Variants in AQR observed in about 807,000 individuals in gnomAD.
AQR encodes aquarius intron-binding spliceosomal factor, also known as RNA helicase aquarius.
In AQR, 61 loss-of-function variants were observed where a neutral mutation model predicts 180.5. The ratio of observed to expected loss-of-function variants is 0.34; its 90% CI spans 0.28 to 0.42. AQR has a LOEUF of 0.42. AQR is among the 10% of genes least tolerant of loss of function. AQR has a pLI of 1.00. For synonymous variants in AQR, 551 were observed against 588.8 expected, an observed-to-expected ratio of 0.94 and a Z score of 0.93; for missense variants, 1,281 against 1,798.3, an observed-to-expected ratio of 0.71 and a Z score of 5.20.
At chr15:34,946,430 T>TAG (rs1555426382) in intron 5 of AQR, among the ~76,000 whole-genome samples, 1 of 98,236 alleles carries the variant, frequency 1.0e-5, no homozygotes, top group Admixed American at 9.4e-5. Context: ...GGGAGGGAGG[T>TAG]GGGGGGGGTC....
intron 33 of AQR, among the ~76,000 whole-genome samples, chr15:34,862,034 C>T (rs1189372175): frequency 6.6e-6 from 1 of 151,856 alleles, no homozygotes; most frequent in African/African-American, 2.4e-5. Context: ...TATCTCTTCT[C>T]CTTTATACAA....
rs1056736358 is a variant in AQR at position 34,938,924 on chromosome 15, G to A, written c.642-111C>T. ...ATATTGTTCAACTGTTCATTTCTTT[G>A]TGAAGCTGGGACTATAACTTCAATA... On this transcript the variant is annotated intron_variant, in intron 8 of 34. Transcript: ENST00000156471. 113 of 734,670 alleles carry A rather than the reference G, an allele frequency of 1.5e-4. No individual in the cohort carries two copies. In the African/African-American group the frequency reaches 1.7e-3, roughly 11 times the overall value. The allele number at this position is 734,670 out of a possible 1,614,324, so 45.5% of individuals were successfully genotyped here.
chr15:34,856,962 T>C lies in AQR; in HGVS notation c.4288A>G (p.Thr1430Ala), dbSNP rs200963145. The C allele has an allele frequency of 1.9e-4, 299 of 1,613,728 alleles. 1 individual carries two copies. Among genetic ancestry groups the C allele is most frequent in the Non-Finnish European group, 2.8e-5 (33 of 1,179,948 alleles). Residue 1430 changes from threonine to alanine, a missense_variant, in exon 35 of 35, where the codon ACT (threonine) becomes GCT (alanine). Physicochemically the swap from Thr to Ala is moderately conservative, Grantham distance 58 (BLOSUM62 0). This residue lies in a region of AQR where 182 missense variants were observed against 185.3 expected (regional missense o/e 0.98). Coordinates refer to ENST00000156471, the MANE Select transcript of AQR (RefSeq NM_014691.3). Reference protein sequence around the residue: ...SPTDTSCRQETPAFQTDTTPS... With the variant: ...SPTDTSCRQEAPAFQTDTTPS... ...GTGGTGTCAGTTTGAAAGGCTGGAG[T>C]TTCTTGACGGCAGCTGGTGTCTGTT...
chr15:34,885,877 A>G (rs756426143), intron 25 of AQR, among the ~76,000 whole-genome samples: 1 of 152,202 alleles, frequency 6.6e-6, no homozygotes, highest in Non-Finnish European at 1.5e-5. Flanking sequence ...TAGAACAAAG[A>G]GAACAAATGA....
chr15:34,878,993 A>G (rs568286879), intron 27 of AQR, among the ~76,000 whole-genome samples: 2 of 151,718 alleles, frequency 1.3e-5, no homozygotes, highest in African/African-American at 2.4e-5. Flanking sequence ...GCGCCACTGC[A>G]CTCTAGCCTG....
chr15:34,860,525 G>A (rs1416565566), intron 33 of AQR, among the ~76,000 whole-genome samples: 1 of 152,022 alleles, frequency 6.6e-6, no homozygotes, highest in East Asian at 1.9e-4. Context: ...GGTAAGTTAA[G>A]TATGGGTTTT....
intron 2 of AQR, 136 bp from the exon 3 acceptor site, chr15:34,960,950 G>A: frequency 5.2e-6 from 2 of 384,582 alleles, no homozygotes; most frequent in Non-Finnish European, 9.3e-6. Flanking sequence ...TTGAAATAAT[G>A]AGATATTTAA....
intron 33 of AQR, among the ~76,000 whole-genome samples, chr15:34,861,535 G>T (rs1566977876): frequency 6.6e-6 from 1 of 152,138 alleles, no homozygotes. Flanking sequence ...TGTCTGACCT[G>T]CACTCCAGAT....
At chr15:34,858,440 T>C (rs145551105) in intron 34 of AQR, among the ~76,000 whole-genome samples, 332 of 151,880 alleles carry the variant, frequency 2.2e-3, no homozygotes, top group Non-Finnish European at 3.4e-3. Context: ...TTAAAGAAGA[T>C]CTAAATAAAC....
chr15:34,901,619 C>A (rs950077223), intron 19 of AQR, among the ~76,000 whole-genome samples: 1 of 152,084 alleles, frequency 6.6e-6, no homozygotes, highest in Non-Finnish European at 1.5e-5. Context: ...ATAACCAAAC[C>A]GACCATTTTT....
chr15:34,895,204 ATATATATATATATATATG>A (rs1346692641), intron 22 of AQR, among the ~76,000 whole-genome samples: 56 of 98,878 alleles, frequency 5.7e-4, no homozygotes, highest in Non-Finnish European at 7.8e-4. Flanking sequence ...ATATATATAT[ATATATATATATATATATG>A]AAACAAATAA....
Position 34,940,967 on chromosome 15 carries a change from A to T in AQR, c.573T>A (p.Pro191=). The T allele has an allele frequency of 6.2e-7, 1 of 1,609,890 alleles. No homozygotes were observed. Among genetic ancestry groups the T allele is most frequent in the Non-Finnish European group, 8.5e-7 (1 of 1,178,318 alleles). ...TCAAGTTCCAGAATTTTCTTAGCTT[A>T]GGTGTCTTTTTTAATTCTAATTCCA... ...ARLELELKKT[P]KLRKFWNLIK... is the part of the protein sequence containing the mutation. The change falls in exon 8 of 35, where the codon CCT becomes CCA. Residue 191 remains proline (P), a synonymous_variant. Transcript: ENST00000156471.
rs1464455487 is a variant in AQR, at chr15:34,852,998, A to T, written c.*3794T>A. 3.3e-5 allele frequency: 5 copies of T among 152,162 alleles called. No individual in the cohort carries two copies. Among genetic ancestry groups the T allele is most frequent in the African/African-American group, 1.2e-4 (5 of 41,428 alleles). The allele number at this position is 152,162 out of a possible 1,614,324, so 9.4% of individuals were successfully genotyped here. ...CTAAGAAGAAAAACTGGAGCGTCCA[A>T]AGCTTCTGGATTCCATTTAATTAAA... On this transcript the variant is annotated 3_prime_UTR_variant, in exon 35 of 35. Transcript: ENST00000156471.
At chr15:34,959,304 A>G (rs913305977) in intron 3 of AQR, among the ~76,000 whole-genome samples, 1 of 152,152 alleles carries the variant, frequency 6.6e-6, no homozygotes, top group East Asian at 1.9e-4. Context: ...CTGGGACTAC[A>G]GCCATACGCC....
intron 16 of AQR, among the ~76,000 whole-genome samples, chr15:34,910,795 G>T (rs1214740668): frequency 2.0e-5 from 3 of 152,210 alleles, no homozygotes; most frequent in Admixed American, 6.5e-5. Flanking sequence ...AGCATTTTTT[G>T]TGTGTGTGGT....
intron 30 of AQR, among the ~76,000 whole-genome samples, chr15:34,871,420 T>C (rs1037437167): frequency 6.6e-6 from 1 of 150,658 alleles, no homozygotes; most frequent in Non-Finnish European, 1.5e-5. Flanking sequence ...GGTGGGGGGA[T>C]CGCTTAAGCT....
intron 18 of AQR, among the ~76,000 whole-genome samples, chr15:34,905,908 G>T (rs571998263): frequency 6.6e-6 from 1 of 151,992 alleles, no homozygotes; most frequent in South Asian, 2.1e-4. Context: ...GCGGTGGCAG[G>T]CACCTGTAAT....
chr15:34,968,561 A>G (rs1244698408), intron 1 of AQR, among the ~76,000 whole-genome samples: 1 of 152,170 alleles, frequency 6.6e-6, no homozygotes, highest in African/African-American at 2.4e-5. Context: ...CCCGGCCGGA[A>G]GGCAGAAATT....
intron 19 of AQR, 141 bp downstream of exon 19, chr15:34,904,195 G>T: frequency 2.1e-6 from 1 of 474,730 alleles, no homozygotes; most frequent in Non-Finnish European, 3.5e-6. Flanking sequence ...AAAAGTTTAA[G>T]AGGATTGCTT....
Sources: allele counts gnomAD v4.1 joint callset (sites outside exome capture counted in the v4.1 genomes callset), GRCh38; gene constraint gnomAD v4.1.1; regional missense constraint gnomAD v4.1.1; transcripts MANE v1.5; gene names NCBI Gene and HGNC (gene_info 2026-07-23, HGNC 2026-07-21).